Variants in APPL1 observed in about 807,000 individuals in gnomAD.
APPL1 encodes the protein adaptor protein, phosphotyrosine interacting with PH domain and leucine zipper 1, also known as DCC-interacting protein 13-alpha.
APPL1 carries 42 observed loss-of-function variants against 106.8 expected under a neutral mutation model. The observed-to-expected ratio is 0.39, with a 90% CI of 0.31 to 0.51. The LOEUF (loss-of-function observed/expected upper bound fraction) is 0.51. APPL1 is among the 20% of genes least tolerant of loss of function. The pLI is 0.75. For synonymous variants in APPL1, 263 were observed against 281.8 expected (o/e 0.93, Z 0.67); for missense variants, 769 against 858.2 (o/e 0.90, Z 1.30).
Position 57,235,584 on chromosome 3 carries a change from G to A in APPL1, c.73G>A (p.Val25Ile), listed in dbSNP as rs770628528. 4 of 1,610,766 alleles carry A rather than the reference G, an allele frequency of 2.5e-6. No individual in the cohort carries two copies. The highest frequency in any genetic ancestry group is 3.4e-6 in the Non-Finnish European group (4 of 1,177,418). ...DSPQTRSLLG[V>I]FEEDATAISN... ...TATACAGACAAGGTCTTTACTAGGT[G>A]TATTTGAAGAAGATGCCACAGCTAT... The change falls in exon 2 of 22, where the codon GTA becomes ATA. Residue 25 changes from valine to isoleucine, a missense_variant. Physicochemically the swap from Val to Ile is conservative, Grantham distance 29. Coordinates refer to ENST00000288266, the MANE Select transcript of APPL1 (RefSeq NM_012096.3).
chr3:57,234,375 G>A (rs954217936), intron 1 of APPL1, among the ~76,000 whole-genome samples: 3 of 143,856 alleles, frequency 2.1e-5, no homozygotes, highest in Admixed American at 7.3e-5. Flanking sequence ...TCGGCTCACT[G>A]CAAGCTCCGC....
chr3:57,260,568 C>G, intron 18 of APPL1, 60 bp from the exon 19 acceptor site: 2 of 1,470,248 alleles, frequency 1.4e-6, no homozygotes, highest in Non-Finnish European at 1.8e-6. Context: ...GAGTTTGTCA[C>G]AAGTGCTGCT....
At chr3:57,249,699 A>G in intron 11 of APPL1, 151 bp downstream of exon 11, 2 of 725,114 alleles carry the variant, frequency 2.8e-6, no homozygotes, top group East Asian at 3.2e-5. Flanking sequence ...AATATATTGA[A>G]TTTTTGTCTC....
At position 57,259,971 on chromosome 3, in the gene APPL1, T is replaced by C; in HGVS notation, c.1610T>C (p.Ile537Thr). ...TTAGCTGCCCGGGCCATCCATAACATCTTTCGTATGACAGAATCGCATTTA... is the reference window on the plus strand; with the variant it reads ...TTAGCTGCCCGGGCCATCCATAACACCTTTCGTATGACAGAATCGCATTTA... ...QILAARAIHNIFRMTESHLLV... is the reference protein window; with the variant it reads ...QILAARAIHNTFRMTESHLLV... Residue 537 changes from isoleucine (I) to threonine (T), a missense_variant, in exon 17 of 22, where the codon ATC (isoleucine) becomes ACC (threonine). Coordinates refer to ENST00000288266, the MANE Select transcript of APPL1 (RefSeq NM_012096.3). 1 of 1,614,036 alleles carries C rather than the reference T, an allele frequency of 6.2e-7. No individual in the cohort carries two copies. Among genetic ancestry groups the C allele is most frequent in the Non-Finnish European group, 8.5e-7 (1 of 1,179,986 alleles).
chr3:57,238,983 A>G (rs2060731356), intron 4 of APPL1, among the ~76,000 whole-genome samples: 1 of 152,186 alleles, frequency 6.6e-6, no homozygotes, highest in Admixed American at 6.5e-5. Flanking sequence ...TATAAAGAAA[A>G]AGAGGTTTAA....
Position 57,253,689 on chromosome 3 carries a change from G to A in APPL1, c.1103G>A (p.Cys368Tyr). 6.9e-7 allele frequency: 1 copy of A among 1,445,954 alleles called. No homozygotes were observed. The highest frequency in any genetic ancestry group is 1.4e-5 in the South Asian group (1 of 71,398). 89.6% of individuals were successfully genotyped at this position (1,445,954 alleles called of 1,614,324 possible). A position where few individuals can be genotyped will look rare whatever the true frequency, so the allele number is the denominator to read the frequency against. Residue 368 changes from cysteine to tyrosine, a missense_variant, in exon 13 of 22, where the codon TGT becomes TAT. Transcript: ENST00000288266. ...TATTTTTTCCTCTTGCAGTGGATCT[G>A]TACAATAAACAACATATCTAAACAA... ...ESKKDHEEWICTINNISKQIY... is the reference protein window; with the variant it reads ...ESKKDHEEWIYTINNISKQIY...
intron 1 of APPL1, 40 bp from the exon 2 acceptor site, chr3:57,235,526 A>G (rs901395253): frequency 5.3e-6 from 7 of 1,313,330 alleles, no homozygotes; most frequent in African/African-American, 1.5e-5. Context: ...TCTGATTTGT[A>G]TAATGATTAA....
chr3:57,263,750 ATCCATTCATCTGTTGTTTTTTTTTTTTT>A (rs1450300505), intron 19 of APPL1, among the ~76,000 whole-genome samples: 4 of 145,224 alleles, frequency 2.8e-5, no homozygotes, highest in African/African-American at 1.0e-4. Flanking sequence ...CATTTTCTTT[ATCCATTCATCTGTTGTTTTTTTTTTTTT>A]TCCATTCATC....
In APPL1 at chr3:57,240,530, G is replaced by A; in HGVS notation, c.351G>A (p.Gln117=). The A allele has an allele frequency of 1.2e-6, 2 of 1,613,642 alleles. No homozygotes were observed. Among genetic ancestry groups the A allele is most frequent in the Admixed American group, 1.7e-5 (1 of 59,998 alleles). Residue 117 remains glutamine (Q), a synonymous_variant, in exon 5 of 22, where the codon CAG becomes CAA. Transcript: ENST00000288266. ...LADAMMFPIT[Q]FKERDLKEIL... Reference sequence around the variant, plus strand: ...ATGCCATGATGTTCCCCATTACCCAGTTTAAAGAAAGAGATCTGAAAGGTA... The same window carrying A: ...ATGCCATGATGTTCCCCATTACCCAATTTAAAGAAAGAGATCTGAAAGGTA...
chr3:57,241,445 A>T (rs1309684001), intron 5 of APPL1, among the ~76,000 whole-genome samples: 1 of 152,222 alleles, frequency 6.6e-6, no homozygotes, highest in African/African-American at 2.4e-5. Context: ...AGCCATACAC[A>T]CTTACTTCCA....
chr3:57,246,207 G>A lies in APPL1; in HGVS notation c.606G>A (p.Gly202=). The change falls in exon 8 of 22, where the codon GGG becomes GGA. Residue 202 remains glycine, a synonymous_variant. Transcript: ENST00000288266. The part of the protein sequence containing the change: ...KKIALLEPLL[G]YMQAQISFFK... ...TAGCATTGTTAGAACCTCTACTTGG[G>A]TACATGCAAGCTCAGGTAAATACTG... The A allele has an allele frequency of 6.2e-7, 1 of 1,600,670 alleles. No homozygotes were observed. Among genetic ancestry groups the A allele is most frequent in the South Asian group, 1.1e-5 (1 of 87,816 alleles).
rs984202523 is a variant in APPL1, at chr3:57,260,740, G to C, written c.1808G>C (p.Cys603Ser). ...GRSESNLSSV[C>S]YIFESNNEGE... ...AGTGAAAGTAATCTGTCATCAGTCT[G>C]CTATATATTTGAGTCAAACAATGAG... Residue 603 changes from cysteine (C) to serine (S), a missense_variant, in exon 19 of 22, where the codon TGC becomes TCC. Coordinates refer to ENST00000288266, the MANE Select transcript of APPL1 (RefSeq NM_012096.3). 1 of 1,610,728 alleles carries C rather than the reference G, an allele frequency of 6.2e-7. No homozygotes were observed. Among genetic ancestry groups the C allele is most frequent in the Non-Finnish European group, 8.5e-7 (1 of 1,178,004 alleles).
rs533232239 is a variant in APPL1, at chr3:57,248,132, A to G, written c.705-61A>G. On this transcript the variant is annotated intron_variant, in intron 9 of 21. Coordinates refer to ENST00000288266, the MANE Select transcript of APPL1 (RefSeq NM_012096.3). ...ACCCGAAACAAATATGCAGGTAAACATGATTGGTAAGGAGTTCTTTATTGG... is the reference window on the plus strand; with the variant it reads ...ACCCGAAACAAATATGCAGGTAAACGTGATTGGTAAGGAGTTCTTTATTGG... The G allele has an allele frequency of 6.0e-6, 9 of 1,507,620 alleles. No homozygotes were observed. The African/African-American group carries it at 8.3e-5, about 14-fold the overall frequency. 93.4% of individuals were successfully genotyped at this position (1,507,620 alleles called of 1,614,324 possible).
intron 20 of APPL1, chr3:57,268,061 C>G: frequency 1.9e-6 from 1 of 524,242 alleles, no homozygotes; most frequent in South Asian, 2.5e-5. Context: ...CCACTGCACT[C>G]CAGCCTGGGC....
chr3:57,230,834 G>A, intron 1 of APPL1: 1 of 427,814 alleles, frequency 2.3e-6, no homozygotes, highest in Non-Finnish European at 4.7e-6. Flanking sequence ...CAGTGGCACA[G>A]CCATAGCTCT....
chr3:57,238,003 C>T lies in APPL1; in HGVS notation c.214-42C>T, dbSNP rs771842239. 10 of 1,441,750 alleles carry T rather than the reference C, an allele frequency of 6.9e-6. No homozygotes were observed. The African/African-American group carries it at 1.0e-4, about 14-fold the overall frequency. The allele number at this position is 1,441,750 out of a possible 1,614,324, so 89.3% of individuals were successfully genotyped here. Reference sequence around the variant, plus strand: ...TTATAGTAATGTCATTCCCAAAAGACACAGCATTGAAACTTTACCTCATCT... The same window carrying T: ...TTATAGTAATGTCATTCCCAAAAGATACAGCATTGAAACTTTACCTCATCT... On this transcript the variant is annotated intron_variant, in intron 3 of 21. Coordinates refer to ENST00000288266, the MANE Select transcript of APPL1 (RefSeq NM_012096.3).
intron 1 of APPL1, among the ~76,000 whole-genome samples, chr3:57,234,631 C>T (rs2060706572): frequency 6.6e-6 from 1 of 151,102 alleles, no homozygotes; most frequent in Non-Finnish European, 1.5e-5. Context: ...AAGCTTTCCC[C>T]CTTAAAATAA....
chr3:57,246,790 T>G (rs2060776179), intron 8 of APPL1, among the ~76,000 whole-genome samples: 1 of 151,738 alleles, frequency 6.6e-6, no homozygotes, highest in Non-Finnish European at 1.5e-5. Context: ...ATCATTTGAG[T>G]CCAGGAGTTT....
At chr3:57,257,831 A>G (rs1459659485) in intron 15 of APPL1, among the ~76,000 whole-genome samples, 1 of 152,212 alleles carries the variant, frequency 6.6e-6, no homozygotes, top group Non-Finnish European at 1.5e-5. Context: ...GAAGTTACTA[A>G]AACATTATCA....
Sources: gnomAD v4.1 joint callset for allele counts (sites outside exome capture counted in the v4.1 genomes callset) on GRCh38, gnomAD v4.1.1 for gene constraint, MANE v1.5 for transcripts, NCBI Gene and HGNC (gene_info 2026-07-23, HGNC 2026-07-21) for gene names.